The following PCDH15 variants were observed in gnomAD, a reference collection of about 807,000 sequenced individuals.
PCDH15 encodes the protein protocadherin-15.
PCDH15 carries 129 observed loss-of-function variants against 178.5 expected under a neutral mutation model. That is an observed-to-expected ratio of 0.72 (90% CI 0.63 to 0.84). The LOEUF (loss-of-function observed/expected upper bound fraction) is 0.84. Ranked by LOEUF, PCDH15 falls within the 40% of genes least tolerant of loss-of-function variation. The pLI is 0.00. For missense variants in PCDH15, 2,230 were observed against 2,099.9 expected (o/e 1.06, Z -1.21); for synonymous variants, 800 against 732.0 (o/e 1.09, Z -1.50).
intron 11 of PCDH15, among the ~76,000 whole-genome samples, chr10:54,192,178 AAG>A (rs201544426): frequency 4.3e-5 from 6 of 140,062 alleles, no homozygotes; most frequent in Non-Finnish European, 7.5e-5. Flanking sequence ...AAGAAAAAGA[AAG>A]AGAAAGAAAG....
intron 21 of PCDH15, among the ~76,000 whole-genome samples, chr10:53,963,095 T>C (rs889076355): frequency 6.6e-6 from 1 of 152,210 alleles, no homozygotes; most frequent in Non-Finnish European, 1.5e-5. Flanking sequence ...TTGATTTGGC[T>C]GGACTTGACA....
chr10:54,889,896 T>C (rs1452811381), intron 3 of PCDH15, among the ~76,000 whole-genome samples: 1 of 151,838 alleles, frequency 6.6e-6, no homozygotes, highest in South Asian at 2.1e-4. Flanking sequence ...TTACCAAATA[T>C]CACAGCACCC....
chr10:54,530,471 C>T (rs1046632001), intron 2 of PCDH15, among the ~76,000 whole-genome samples: 3 of 152,112 alleles, frequency 2.0e-5, no homozygotes, highest in Admixed American at 6.6e-5. Flanking sequence ...TTCTTCAGAC[C>T]ATGCCTGCAT....
chr10:54,661,900 T>A (rs1412570767), intron 2 of PCDH15, among the ~76,000 whole-genome samples: 1 of 151,914 alleles, frequency 6.6e-6, no homozygotes, highest in Admixed American at 6.6e-5. Flanking sequence ...TATGCAAAAA[T>A]TAACTCGATG....
chr10:54,657,728 A>G (rs1311025868), intron 2 of PCDH15, among the ~76,000 whole-genome samples: 1 of 152,218 alleles, frequency 6.6e-6, no homozygotes, highest in Non-Finnish European at 1.5e-5. Context: ...AGAAAATTCA[A>G]AAATAAGAAG....
At chr10:55,043,640 C>T (rs1047653195) in intron 2 of PCDH15, among the ~76,000 whole-genome samples, 2 of 151,582 alleles carry the variant, frequency 1.3e-5, no homozygotes, top group African/African-American at 4.8e-5. Flanking sequence ...AGCCTGGGAG[C>T]TCAATGCTAC....
At chr10:55,583,076 C>T (rs1842655835) in intron 2 of PCDH15, among the ~76,000 whole-genome samples, 1 of 152,106 alleles carries the variant, frequency 6.6e-6, no homozygotes, top group South Asian at 2.1e-4. Flanking sequence ...TTCCTACCAT[C>T]AATCTTTACT....
At chr10:55,247,184 G>A (rs538988626) in intron 1 of PCDH15, among the ~76,000 whole-genome samples, 1 of 152,236 alleles carries the variant, frequency 6.6e-6, no homozygotes, top group African/African-American at 2.4e-5. Context: ...TTAAATTGCT[G>A]CAATGTATTC....
chr10:53,997,149 T>TA (rs1330893676), intron 20 of PCDH15, among the ~76,000 whole-genome samples: 11 of 152,026 alleles, frequency 7.2e-5, no homozygotes, highest in Admixed American at 6.6e-4. Context: ...AACTGAAAAA[T>TA]AAAAAATATC....
chr10:54,057,976 C>G (rs1296526910), intron 18 of PCDH15, among the ~76,000 whole-genome samples: 4 of 152,164 alleles, frequency 2.6e-5, no homozygotes, highest in Non-Finnish European at 5.9e-5. Context: ...TCATCTCCAT[C>G]TAAGATCACC....
chr10:55,043,203 A>G lies in PCDH15; in HGVS notation c.-80+123373T>C, dbSNP rs537460292. On this transcript the variant is annotated intron_variant, in intron 2 of 5. Transcript: ENST00000458638. ...TACGTGGAATATTGCATGGAAGCCA[A>G]TAAATTTCCATAACCCTCCTCTCAA... is the stretch of plus-strand genomic sequence containing the variant. Among the ~76,000 whole-genome samples, 29 of 152,222 alleles carry G rather than the reference A, an allele frequency of 1.9e-4. No homozygotes were observed. The South Asian group carries it at 5.8e-3, about 30-fold the overall frequency.
intron 25 of PCDH15, among the ~76,000 whole-genome samples, chr10:53,932,181 T>C (rs1369152688): frequency 6.6e-6 from 1 of 152,230 alleles, no homozygotes. Context: ...TTTGTCATTT[T>C]ATAGGAATTC....
At chr10:53,890,727 G>A (rs2081497082) in intron 26 of PCDH15, among the ~76,000 whole-genome samples, 1 of 152,054 alleles carries the variant, frequency 6.6e-6, no homozygotes, top group Non-Finnish European at 1.5e-5. Context: ...TCACTAGAAT[G>A]CATTTTTGTG....
intron 1 of PCDH15, among the ~76,000 whole-genome samples, chr10:55,314,077 T>C (rs1041382080): frequency 1.3e-5 from 2 of 151,652 alleles, no homozygotes; most frequent in African/African-American, 4.8e-5. Context: ...CTAGCAGATA[T>C]AGATTTGAAC....
chr10:53,845,028 ACCAAATAAT>A (rs1297763125), intron 28 of PCDH15, among the ~76,000 whole-genome samples: 1 of 151,936 alleles, frequency 6.6e-6, no homozygotes, highest in African/African-American at 2.4e-5. Context: ...ACAGATAAAA[ACCAAATAAT>A]CCAATTTAAA....
At chr10:54,927,109 G>A (rs1564635731) in intron 2 of PCDH15, among the ~76,000 whole-genome samples, 2 of 151,972 alleles carry the variant, frequency 1.3e-5, no homozygotes, top group African/African-American at 2.4e-5. Flanking sequence ...CACTGCCTTA[G>A]CTGTGTCCTG....
intron 3 of PCDH15, among the ~76,000 whole-genome samples, chr10:54,892,481 T>A (rs1452234124): frequency 2.0e-5 from 3 of 151,340 alleles, no homozygotes; most frequent in East Asian, 1.9e-4. Flanking sequence ...GCAAAAAAAA[T>A]TCTCACAAAT....
chr10:55,399,752 A>C (rs1008928131), intron 2 of PCDH15, among the ~76,000 whole-genome samples: 1 of 152,110 alleles, frequency 6.6e-6, no homozygotes, highest in Non-Finnish European at 1.5e-5. Context: ...TTGATTCTTC[A>C]TCATATCGGT....
chr10:54,553,857 C>T (rs1171569566), intron 2 of PCDH15, among the ~76,000 whole-genome samples: 1 of 152,100 alleles, frequency 6.6e-6, no homozygotes, highest in Non-Finnish European at 1.5e-5. Flanking sequence ...TATGCAAAAG[C>T]AACACTTTCT....
Sources: gnomAD v4.1 joint callset for allele counts (sites outside exome capture counted in the v4.1 genomes callset) on GRCh38, gnomAD v4.1.1 for gene constraint, MANE v1.5 for transcripts, NCBI Gene and HGNC (gene_info 2026-07-23, HGNC 2026-07-21) for gene names.